The following PDGFD variants were observed in gnomAD, a reference collection of about 807,000 sequenced individuals.
PDGFD encodes the protein platelet-derived growth factor D.
In PDGFD, 30 loss-of-function variants were observed where a neutral mutation model predicts 44.7. The observed-to-expected ratio is 0.67, with a 90% confidence interval of 0.50 to 0.91. The LOEUF is 0.91. PDGFD is among the 40% of genes least tolerant of loss of function. The pLI is 0.00. For missense variants in PDGFD, 445 were observed against 457.8 expected (o/e 0.97, Z 0.25); for synonymous variants, 173 against 168.4 (o/e 1.03, Z -0.21).
intron 1 of PDGFD, among the ~76,000 whole-genome samples, chr11:104,011,983 TA>T (rs1285762170): frequency 6.6e-6 from 1 of 152,106 alleles, no homozygotes; most frequent in Non-Finnish European, 1.5e-5. Context: ...AAAATGCAAT[TA>T]AAAGCAGTAG....
intron 6 of PDGFD, 139 bp downstream of exon 6, chr11:103,926,772 TG>T: frequency 2.4e-6 from 2 of 840,024 alleles, no homozygotes; most frequent in Non-Finnish European, 3.7e-6. Context: ...AAACCTAGTG[TG>T]GGTAGAATTT....
intron 3 of PDGFD, among the ~76,000 whole-genome samples, chr11:103,983,427 GATTA>G (rs1342603642): frequency 6.6e-6 from 1 of 150,610 alleles, no homozygotes; most frequent in African/African-American, 2.5e-5. Context: ...ACTCACGATG[GATTA>G]ATGACTAAAA....
chr11:103,918,004 C>G (rs1858154263), intron 6 of PDGFD, among the ~76,000 whole-genome samples: 1 of 152,178 alleles, frequency 6.6e-6, no homozygotes, highest in South Asian at 2.1e-4. Flanking sequence ...GAATAAATCA[C>G]TGCATTTGTT....
intron 1 of PDGFD, among the ~76,000 whole-genome samples, chr11:104,051,016 C>A (rs1860526343): frequency 6.6e-6 from 1 of 152,076 alleles, no homozygotes; most frequent in Non-Finnish European, 1.5e-5. Context: ...GTTATTTCCT[C>A]AGGCCTTAGA....
At chr11:104,059,317 A>G (rs1860673058) in intron 1 of PDGFD, among the ~76,000 whole-genome samples, 1 of 152,178 alleles carries the variant, frequency 6.6e-6, no homozygotes. Flanking sequence ...TACAATCTTC[A>G]TATGTAACTT....
intron 1 of PDGFD, among the ~76,000 whole-genome samples, chr11:104,133,279 C>T (rs11226192): frequency 0.13 from 19,766 of 152,006 alleles, 1,404 homozygotes; most frequent in East Asian, 0.29. Flanking sequence ...TTAGAAATCA[C>T]AAATAACAAA....
chr11:103,946,896 A>G (rs1484162369), intron 4 of PDGFD, among the ~76,000 whole-genome samples: 3 of 152,196 alleles, frequency 2.0e-5, no homozygotes, highest in African/African-American at 7.2e-5. Flanking sequence ...GCAAAAGATA[A>G]CATACCAATT....
intron 1 of PDGFD, among the ~76,000 whole-genome samples, chr11:104,058,401 G>T (rs928995794): frequency 6.6e-6 from 1 of 152,160 alleles, no homozygotes; most frequent in Non-Finnish European, 1.5e-5. Flanking sequence ...AAGATGCTCA[G>T]CATCATTAGT....
chr11:104,150,613 A>G (rs1034171144), intron 1 of PDGFD, among the ~76,000 whole-genome samples: 17 of 152,182 alleles, frequency 1.1e-4, no homozygotes, highest in African/African-American at 4.1e-4. Flanking sequence ...AGGTGTTGGC[A>G]GGGCCATACT....
At chr11:104,037,069 C>T in intron 1 of PDGFD, 1 of 1,614,232 alleles carries the variant, frequency 6.2e-7, no homozygotes, top group Non-Finnish European at 8.5e-7. Context: ...TGTGGGACCT[C>T]GGGCTCCAGG....
At chr11:103,977,522 G>A (rs1032228182) in intron 3 of PDGFD, among the ~76,000 whole-genome samples, 3 of 151,956 alleles carry the variant, frequency 2.0e-5, no homozygotes, top group Non-Finnish European at 4.4e-5. Flanking sequence ...ATTTAGTATT[G>A]GTTTAACTCT....
chr11:103,928,289 G>A (rs1858348283), intron 5 of PDGFD, among the ~76,000 whole-genome samples: 1 of 152,164 alleles, frequency 6.6e-6, no homozygotes, highest in African/African-American at 2.4e-5. Flanking sequence ...AAGTCCTTTT[G>A]TCTGCACAGA....
chr11:103,977,968 A>G (rs1374360319), intron 3 of PDGFD, among the ~76,000 whole-genome samples: 1 of 152,100 alleles, frequency 6.6e-6, no homozygotes, highest in African/African-American at 2.4e-5. Context: ...AGGCTGATAT[A>G]CTGTGTAATA....
At position 103,957,781 on chromosome 11, in the gene PDGFD, G is replaced by T. The variant is rs967550976; in HGVS notation, c.511-10057C>A. ...ATGAGAATGATATTCAAGAACTAGAGAGGATCAGCGTGTTTGCAGATAGAG... is the reference window on the plus strand; with the variant it reads ...ATGAGAATGATATTCAAGAACTAGATAGGATCAGCGTGTTTGCAGATAGAG... On this transcript the variant is annotated intron_variant, in intron 3 of 6. Coordinates refer to ENST00000393158, the MANE Select transcript of PDGFD (RefSeq NM_025208.5). Among the ~76,000 whole-genome samples, 23 of 151,312 alleles carry T rather than the reference G, an allele frequency of 1.5e-4. 1 individual carries two copies. Among genetic ancestry groups the T allele is most frequent in the African/African-American group, 4.4e-4 (18 of 40,622 alleles).
intron 2 of PDGFD, among the ~76,000 whole-genome samples, chr11:103,998,102 A>C (rs1309500117): frequency 2.0e-5 from 3 of 152,172 alleles, no homozygotes; most frequent in African/African-American, 7.2e-5. Flanking sequence ...ATATTGTAAT[A>C]ATAAGAAATA....
intron 1 of PDGFD, among the ~76,000 whole-genome samples, chr11:104,018,960 C>T (rs1469342045): frequency 6.6e-5 from 10 of 152,180 alleles, no homozygotes; most frequent in African/African-American, 1.9e-4. Context: ...ATGTCCTCCT[C>T]GGCTCCAAGC....
At chr11:103,973,952 A>G (rs1859142737) in intron 3 of PDGFD, among the ~76,000 whole-genome samples, 1 of 152,134 alleles carries the variant, frequency 6.6e-6, no homozygotes, top group Non-Finnish European at 1.5e-5. Flanking sequence ...AAGCAGAAGA[A>G]TGGCAGCAGT....
At chr11:104,031,691 C>T (rs1028200049) in intron 1 of PDGFD, among the ~76,000 whole-genome samples, 1 of 152,166 alleles carries the variant, frequency 6.6e-6, no homozygotes, top group Non-Finnish European at 1.5e-5. Context: ...GATATATGCA[C>T]ATGTATGTTC....
intron 1 of PDGFD, among the ~76,000 whole-genome samples, chr11:104,052,644 T>G (rs1860560269): frequency 6.6e-6 from 1 of 152,138 alleles, no homozygotes; most frequent in Non-Finnish European, 1.5e-5. Context: ...TTGGGGCTAA[T>G]GTTGTATGGC....
Sources: allele counts gnomAD v4.1 joint callset (sites outside exome capture counted in the v4.1 genomes callset), GRCh38; gene constraint gnomAD v4.1.1; transcripts MANE v1.5; gene names NCBI Gene and HGNC (gene_info 2026-07-23, HGNC 2026-07-21).